Variants in KALRN observed in about 807,000 individuals in gnomAD.
KALRN encodes the protein kalirin RhoGEF kinase, also known as kalirin.
A neutral mutation model predicts 353.7 loss-of-function variants in KALRN; 70 were observed. The observed-to-expected ratio is 0.20, with a 90% CI of 0.16 to 0.24. The LOEUF is 0.24. Among genes scored for constraint, KALRN ranks in the 10% least tolerant of loss-of-function variants. The pLI, the probability that KALRN is intolerant of heterozygous loss-of-function variation, is 1.00. For synonymous variants in KALRN, 1,391 were observed against 1,434.8 expected, an observed-to-expected ratio of 0.97 and a Z score of 0.69; for missense variants, 2,791 against 3,756.7, an observed-to-expected ratio of 0.74 and a Z score of 6.72.
intron 21 of KALRN, among the ~76,000 whole-genome samples, chr3:124,451,633 C>A (rs2058793810): frequency 1.3e-5 from 2 of 152,058 alleles, no homozygotes; most frequent in African/African-American, 4.8e-5. Context: ...TATGTATGGC[C>A]ACGTGTGGAA....
chr3:124,543,883 C>G (rs2069336821), intron 33 of KALRN, among the ~76,000 whole-genome samples: 1 of 152,120 alleles, frequency 6.6e-6, no homozygotes, highest in Non-Finnish European at 1.5e-5. Flanking sequence ...TAGATTCTGA[C>G]TTCTGTGGGC....
At chr3:124,362,331 C>T (rs1252770884) in intron 10 of KALRN, among the ~76,000 whole-genome samples, 1 of 152,252 alleles carries the variant, frequency 6.6e-6, no homozygotes, top group African/African-American at 2.4e-5. Flanking sequence ...GAAAAGCCCA[C>T]TCTCAAGTTG....
chr3:124,672,345 G>T (rs1402144045), intron 48 of KALRN, among the ~76,000 whole-genome samples: 1 of 152,216 alleles, frequency 6.6e-6, no homozygotes, highest in Non-Finnish European at 1.5e-5. Flanking sequence ...CCTATAAACT[G>T]AGTGAGTTAT....
chr3:124,451,957 T>A (rs2058828010), intron 21 of KALRN, among the ~76,000 whole-genome samples: 1 of 152,204 alleles, frequency 6.6e-6, no homozygotes, highest in Admixed American at 6.5e-5. Flanking sequence ...ACAGTTTAAA[T>A]CCTCAGGGAA....
chr3:124,696,298 A>AT (rs1484783095), intron 54 of KALRN, 43 bp downstream of exon 54: 6 of 1,586,196 alleles, frequency 3.8e-6, no homozygotes, highest in Non-Finnish European at 5.2e-6. Context: ...ATATATATAT[A>AT]TTTTTAGACA....
chr3:124,502,571 C>A (rs1466106327), intron 33 of KALRN, among the ~76,000 whole-genome samples: 2 of 152,170 alleles, frequency 1.3e-5, no homozygotes, highest in Non-Finnish European at 2.9e-5. Context: ...AGCTGCATGA[C>A]CTGAGTGGTC....
intron 33 of KALRN, among the ~76,000 whole-genome samples, chr3:124,502,927 A>G (rs2064774610): frequency 6.6e-6 from 1 of 152,208 alleles, no homozygotes; most frequent in South Asian, 2.1e-4. Context: ...ACGATGGTCC[A>G]TCCAAGACCG....
At chr3:124,283,963 A>G (rs1306575993) in intron 5 of KALRN, among the ~76,000 whole-genome samples, 1 of 152,108 alleles carries the variant, frequency 6.6e-6, no homozygotes, top group Non-Finnish European at 1.5e-5. Context: ...TCTGCTATGT[A>G]TCATATGCTA....
Position 124,561,441 on chromosome 3 carries a change from A to G in KALRN, c.4936-1402A>G, listed in dbSNP as rs559937636. ...AACATCAGTCTGATGCATTATTTTAACCGTTTCAAGCCCCCTCTGATATCG... is the reference window on the plus strand; with the variant it reads ...AACATCAGTCTGATGCATTATTTTAGCCGTTTCAAGCCCCCTCTGATATCG... On this transcript the variant is annotated intron_variant, in intron 33 of 59. Coordinates refer to ENST00000682506, the MANE Select transcript of KALRN (RefSeq NM_001388419.1). Among the ~76,000 whole-genome samples, 3 of 152,160 alleles carry G rather than the reference A, an allele frequency of 2.0e-5. No homozygotes were observed. In the South Asian group the frequency reaches 6.2e-4, roughly 32 times the overall value.
chr3:124,580,950 T>C (rs1227691704), intron 34 of KALRN, among the ~76,000 whole-genome samples: 1 of 146,682 alleles, frequency 6.8e-6, no homozygotes, highest in South Asian at 2.1e-4. Context: ...TCTATTAAAA[T>C]AATAATAATA....
At chr3:124,325,868 T>G in intron 6 of KALRN, 112 bp from the exon 7 acceptor site, 6 of 786,544 alleles carry the variant, frequency 7.6e-6, no homozygotes, top group Non-Finnish European at 1.1e-5. Flanking sequence ...TGTACCAGCG[T>G]CTCTCAGACT....
intron 34 of KALRN, among the ~76,000 whole-genome samples, chr3:124,584,331 G>C (rs973964856): frequency 1.3e-5 from 2 of 152,164 alleles, no homozygotes; most frequent in African/African-American, 4.8e-5. Flanking sequence ...GAGGCTGCGA[G>C]GAAGAAAAGG....
chr3:124,323,799 C>G (rs1349990104), intron 6 of KALRN, among the ~76,000 whole-genome samples: 1 of 152,176 alleles, frequency 6.6e-6, no homozygotes, highest in Admixed American at 6.5e-5. Flanking sequence ...GGCATGGATT[C>G]CAGGATTTGA....
intron 34 of KALRN, among the ~76,000 whole-genome samples, chr3:124,595,618 T>C (rs1336256911): frequency 6.6e-6 from 1 of 152,210 alleles, no homozygotes; most frequent in Non-Finnish European, 1.5e-5. Context: ...TTCCTTAGGA[T>C]ACATTCCTTG....
intron 10 of KALRN, among the ~76,000 whole-genome samples, chr3:124,373,591 C>T (rs1372660469): frequency 6.6e-6 from 1 of 152,290 alleles, no homozygotes; most frequent in African/African-American, 2.4e-5. Context: ...AGGCCTCTCT[C>T]TTAGCTTCCA....
At position 124,268,996 on chromosome 3, in the gene KALRN, A is replaced by G. The variant is rs988543950; in HGVS notation, c.710A>G (p.Lys237Arg). ...ATTGACGAACACACACAGCTCAAGA[A>G]AAAGGTGCTGAAGGCCCCTGTGGAG... Reference protein sequence around the residue: ...RLIDEHTQLKKKVLKAPVEEL... With the variant: ...RLIDEHTQLKRKVLKAPVEEL... Residue 237 changes from lysine to arginine, a missense_variant, in exon 5 of 60, where the codon AAA becomes AGA. Around this residue, in one of 11 missense-constraint regions of KALRN, gnomAD observed 366 missense variants for 489.2 expected, o/e 0.75. Transcript: ENST00000682506. 6.2e-7 allele frequency: 1 copy of G among 1,613,922 alleles called. No individual in the cohort carries two copies. Among genetic ancestry groups the G allele is most frequent in the Non-Finnish European group, 8.5e-7 (1 of 1,179,974 alleles).
rs1175148126 is a variant in KALRN, at chr3:124,666,653, A to T, written c.6531+19A>T. The stretch of plus-strand genomic sequence containing the variant: ...CATCAAGGTGAGGATCCCAATGGTG[A>T]TGAGAAGAGGCAAGGAAGAGCCCAG... On this transcript the variant is annotated intron_variant, in intron 46 of 59. Transcript: ENST00000682506. 1.2e-6 allele frequency: 2 copies of T among 1,608,642 alleles called. No individual in the cohort carries two copies. The highest frequency in any genetic ancestry group is 2.7e-5 in the African/African-American group (2 of 74,850).
chr3:124,570,715 A>G (rs999204508), intron 34 of KALRN, among the ~76,000 whole-genome samples: 2 of 152,164 alleles, frequency 1.3e-5, no homozygotes, highest in African/African-American at 4.8e-5. Flanking sequence ...GCTCCTTGAC[A>G]TTTTTCAGAA....
intron 1 of KALRN, among the ~76,000 whole-genome samples, chr3:124,208,836 C>T (rs1447319832): frequency 6.6e-6 from 1 of 151,828 alleles, no homozygotes; most frequent in Non-Finnish European, 1.5e-5. Flanking sequence ...TGTGGTGGTA[C>T]ATGCCTGTAG....
Sources: gnomAD v4.1 joint callset for allele counts (sites outside exome capture counted in the v4.1 genomes callset) on GRCh38, gnomAD v4.1.1 for gene constraint, gnomAD v4.1.1 regional missense constraint, MANE v1.5 for transcripts, NCBI Gene and HGNC (gene_info 2026-07-23, HGNC 2026-07-21) for gene names.